INTS8: variants seen among roughly 807,000 people sequenced by gnomAD.
The protein encoded by INTS8 is protein kaonashi-1.
Under a neutral mutation model 138.9 loss-of-function variants are expected in INTS8, and 47 were observed. That is an observed-to-expected ratio of 0.34 (90% confidence interval 0.27 to 0.43). The LOEUF (loss-of-function observed/expected upper bound fraction) is 0.43, where lower values mean the gene tolerates loss of function less well. INTS8 is among the 20% of genes least tolerant of loss of function. The pLI, the probability that INTS8 is intolerant of heterozygous loss-of-function variation, is 1.00. For missense variants in INTS8, 996 were observed against 1,173.0 expected (o/e 0.85, Z 2.20); for synonymous variants, 392 against 400.9 (o/e 0.98, Z 0.27).
intron 6 of INTS8, 92 bp downstream of exon 6, chr8:94,832,266 G>A: frequency 1.1e-6 from 1 of 893,842 alleles, no homozygotes; most frequent in South Asian, 1.6e-5. Flanking sequence ...ATTTATTTCT[G>A]CCTTTGTCTC....
intron 2 of INTS8, among the ~76,000 whole-genome samples, chr8:94,826,118 C>G (rs73269188): frequency 0.19 from 28,145 of 152,084 alleles, 2,736 homozygotes; most frequent in Middle Eastern, 0.28. Context: ...GAGTTGTATT[C>G]TTAGGATAGC....
At chr8:94,873,603 A>G (rs977374825) in intron 22 of INTS8, 126 bp downstream of exon 22, 28 of 674,972 alleles carry the variant, frequency 4.1e-5, no homozygotes, top group Non-Finnish European at 3.8e-5. Flanking sequence ...ATGGCTCTAG[A>G]ACACATTGCT....
At chr8:94,852,578 A>C (rs1429281855) in intron 13 of INTS8, among the ~76,000 whole-genome samples, 2 of 151,986 alleles carry the variant, frequency 1.3e-5, no homozygotes, top group Non-Finnish European at 2.9e-5. Context: ...AAAGGCAGCC[A>C]GAAATGTATG....
intron 11 of INTS8, 52 bp downstream of exon 11, chr8:94,849,584 C>G: frequency 9.3e-7 from 1 of 1,076,762 alleles, no homozygotes; most frequent in Non-Finnish European, 1.4e-6. Context: ...TGAACTTAGT[C>G]CTGTGAACAA....
intron 3 of INTS8, 73 bp from the exon 4 acceptor site, chr8:94,827,649 A>C: frequency 7.9e-7 from 1 of 1,258,918 alleles, no homozygotes; most frequent in South Asian, 1.2e-5. Context: ...TACAAACCTA[A>C]GGAGTACTTG....
In INTS8 at chr8:94,825,218, G is replaced by A. The variant is rs1814446284; in HGVS notation, c.305+151G>A. The stretch of plus-strand genomic sequence containing the variant: ...ATAATCCCGGCACTTTGGGGGCCAA[G>A]GCTGGCAGATTACTTGAGGTCAGGA... On this transcript the variant is annotated intron_variant, in intron 2 of 26. Coordinates refer to ENST00000523731, the MANE Select transcript of INTS8 (RefSeq NM_017864.4). 7.8e-6 allele frequency: 4 copies of A among 512,940 alleles called. No homozygotes were observed. The South Asian group carries it at 9.5e-5, about 12-fold the overall frequency. The allele number at this position is 512,940 out of a possible 1,614,324, so 31.8% of individuals were successfully genotyped here.
At chr8:94,873,341 C>G (rs949955415) in intron 21 of INTS8, 33 bp from the exon 22 acceptor site, 1 of 1,443,730 alleles carries the variant, frequency 6.9e-7, no homozygotes, top group African/African-American at 1.4e-5. Flanking sequence ...CAACTGTTAC[C>G]TCTAATGCTT....
chr8:94,840,716 C>G (rs1048776013), intron 8 of INTS8, among the ~76,000 whole-genome samples: 3 of 151,702 alleles, frequency 2.0e-5, no homozygotes, highest in African/African-American at 7.3e-5. Flanking sequence ...TGCCAACGTG[C>G]CTGGCTAATT....
At chr8:94,844,472 A>G (rs545808363) in intron 10 of INTS8, among the ~76,000 whole-genome samples, 241 of 152,112 alleles carry the variant, frequency 1.6e-3, no homozygotes, top group African/African-American at 5.5e-3. Context: ...GCCCACCACC[A>G]CGCCCTGCTA....
At chr8:94,875,895 G>T in intron 23 of INTS8, 179 bp from the exon 24 acceptor site, 1 of 550,512 alleles carries the variant, frequency 1.8e-6, no homozygotes, top group East Asian at 3.2e-5. Context: ...CACTGATGAA[G>T]AGAATATTGG....
rs903795214 is a variant in INTS8 at position 94,838,516 on chromosome 8, T to C, written c.915T>C (p.Tyr305=). ...CTIDEKRLAG[Y]CQACDVLVPS... ...TAGATGAGAAGCGGTTAGCTGGCTA[T>C]TGTCAAGCATGTGATGTTCTTGTAC... The change falls in exon 8 of 27, where the codon TAT becomes TAC. Residue 305 remains tyrosine (Y), a synonymous_variant. Transcript: ENST00000523731. 6.2e-6 allele frequency: 10 copies of C among 1,613,460 alleles called. No homozygotes were observed. The highest frequency in any genetic ancestry group is 8.5e-6 in the Non-Finnish European group (10 of 1,179,450).
chr8:94,851,806 C>G, intron 13 of INTS8, 120 bp downstream of exon 13: 1 of 686,300 alleles, frequency 1.5e-6, no homozygotes. Flanking sequence ...GTTTTAAGAC[C>G]TTCATATGAA....
chr8:94,857,069 A>ATATTT, intron 15 of INTS8, 91 bp downstream of exon 15: 1 of 867,596 alleles, frequency 1.2e-6, no homozygotes, highest in Non-Finnish European at 1.7e-6. Context: ...TGAGTTTGTA[A>ATATTT]TCTTTTTTTT....
intron 6 of INTS8, 77 bp downstream of exon 6, chr8:94,832,251 T>G: frequency 1.0e-6 from 1 of 998,108 alleles, no homozygotes; most frequent in Non-Finnish European, 1.5e-6. Context: ...CTATTTTTAA[T>G]TAGAATTTAT....
chr8:94,843,698 GT>G (rs1815222152), intron 10 of INTS8, among the ~76,000 whole-genome samples: 1 of 151,818 alleles, frequency 6.6e-6, no homozygotes, highest in Non-Finnish European at 1.5e-5. Context: ...GTTGTTTATA[GT>G]TTTTGCCGCT....
In INTS8 at chr8:94,827,169, A is replaced by G; in HGVS notation, c.306-94A>G. 3.7e-6 allele frequency: 4 copies of G among 1,090,542 alleles called. No homozygotes were observed. The South Asian group carries it at 4.1e-5, about 11-fold the overall frequency. The allele number at this position is 1,090,542 out of a possible 1,614,324, so 67.6% of individuals were successfully genotyped here. On this transcript the variant is annotated intron_variant, in intron 2 of 26. Transcript: ENST00000523731. ...AACCCAGAGATGTGGTTCCTTAACA[A>G]TGTAGGTATTTTCAGCGAGGATATG... is the stretch of plus-strand genomic sequence containing the variant.
chr8:94,872,201 C>T (rs1013609459), intron 21 of INTS8, among the ~76,000 whole-genome samples, 199 bp downstream of exon 21: 2 of 151,888 alleles, frequency 1.3e-5, no homozygotes, highest in African/African-American at 2.4e-5. Flanking sequence ...TTTACGTTGA[C>T]TACCTTTATT....
rs201035993 is a variant in INTS8, at chr8:94,868,374, A to G, written c.2414+1037A>G. Reference sequence around the variant, plus strand: ...GAAGAAAAGATTTCGGTACATAGACAAGCTGATAATAGAATAATAGTAAAG... The same window carrying G: ...GAAGAAAAGATTTCGGTACATAGACGAGCTGATAATAGAATAATAGTAAAG... On this transcript the variant is annotated intron_variant, in intron 20 of 26. Coordinates refer to ENST00000523731, the MANE Select transcript of INTS8 (RefSeq NM_017864.4). 1.4e-4 allele frequency among the ~76,000 whole-genome samples: 22 copies of G among 152,288 alleles called. 1 individual carries two copies. The East Asian group carries it at 3.9e-3, about 27-fold the overall frequency.
chr8:94,846,504 C>T (rs1425787322), intron 10 of INTS8, among the ~76,000 whole-genome samples: 8 of 152,110 alleles, frequency 5.3e-5, no homozygotes, highest in African/African-American at 1.7e-4. Flanking sequence ...GAACTCCTGA[C>T]CTCAGGCGAT....
Sources: allele counts gnomAD v4.1 joint callset (sites outside exome capture counted in the v4.1 genomes callset), GRCh38; gene constraint gnomAD v4.1.1; transcripts MANE v1.5; gene names NCBI Gene and HGNC (gene_info 2026-07-23, HGNC 2026-07-21).